ATM: variants seen among roughly 807,000 people sequenced by gnomAD.
ATM encodes the protein ATM serine/threonine kinase.
In ATM, 308 loss-of-function variants were observed where a neutral mutation model predicts 387.0. That is an observed-to-expected ratio of 0.80 (90% CI 0.73 to 0.87). The LOEUF (loss-of-function observed/expected upper bound fraction) is 0.87, where lower values mean the gene tolerates loss of function less well. ATM is among the 40% of genes least tolerant of loss of function. The pLI is 0.00. For missense variants in ATM, 3,312 were observed against 3,560.9 expected, an observed-to-expected ratio of 0.93 and a Z score of 1.78; for synonymous variants, 1,156 against 1,187.3, an observed-to-expected ratio of 0.97 and a Z score of 0.54.
At chr11:108,291,214 C>T (rs979954019) in intron 29 of ATM, among the ~76,000 whole-genome samples, 4 of 151,134 alleles carry the variant, frequency 2.6e-5, no homozygotes, top group African/African-American at 7.3e-5. Flanking sequence ...CCAGCCTGGG[C>T]GACAGAGCAA....
At chr11:108,260,741 A>G (rs1399732124) in intron 16 of ATM, among the ~76,000 whole-genome samples, 1 of 152,126 alleles carries the variant, frequency 6.6e-6, no homozygotes, top group Non-Finnish European at 1.5e-5. Context: ...GGTTCATCTC[A>G]CTAGGGAGTG....
At chr11:108,233,076 T>G (rs887972228) in intron 4 of ATM, among the ~76,000 whole-genome samples, 1 of 151,894 alleles carries the variant, frequency 6.6e-6, no homozygotes, top group African/African-American at 2.4e-5. Context: ...TGGTCAGGCT[T>G]GTCTCGAACT....
At chr11:108,292,438 G>C (rs2135794126) in intron 29 of ATM, among the ~76,000 whole-genome samples, 181 bp from the exon 30 acceptor site, 1 of 152,290 alleles carries the variant, frequency 6.6e-6, no homozygotes, top group South Asian at 2.1e-4. Context: ...GAAGCTTAGA[G>C]CTGCCTATTC....
chr11:108,248,853 A>G (rs997650005), intron 8 of ATM, 80 bp from the exon 9 acceptor site: 1 of 1,274,576 alleles, frequency 7.8e-7, no homozygotes, highest in Non-Finnish European at 1.1e-6. Context: ...GTGCTGTTCC[A>G]CTCCAACCTG....
intron 31 of ATM, among the ~76,000 whole-genome samples, chr11:108,293,894 A>T (rs11212581): frequency 0.38 from 31,571 of 82,702 alleles, 6,404 homozygotes; most frequent in East Asian, 0.7. Context: ...AAAAAAAAAA[A>T]ATATATATAT....
chr11:108,289,153 TAAAA>T, intron 28 of ATM, 50 bp downstream of exon 28: 1 of 1,543,070 alleles, frequency 6.5e-7, no homozygotes, highest in Middle Eastern at 2.2e-4. Flanking sequence ...CTTTTTTAGC[TAAAA>T]AAACTTTGTA....
chr11:108,352,488 A>G (rs2089325108), intron 59 of ATM, among the ~76,000 whole-genome samples: 1 of 152,208 alleles, frequency 6.6e-6, no homozygotes. Flanking sequence ...GAAGAAAATT[A>G]AGAGGAAACC....
At position 108,260,992 on chromosome 11, in the gene ATM, C is replaced by A. The variant is rs559897121; in HGVS notation, c.2466+1917C>A. On this transcript the variant is annotated intron_variant, in intron 16 of 62. Coordinates refer to ENST00000675843, the MANE Select transcript of ATM (RefSeq NM_000051.4). ...CACCTGGCTCGGAGGGTCCTACGCC[C>A]ACGGAGTCTCGCTGATTGCTAGCAC... Among the ~76,000 whole-genome samples the A allele has an allele frequency of 1.1e-3, 160 of 152,290 alleles. 1 individual carries two copies. The South Asian group carries it at 0.033, about 31-fold the overall frequency.
chr11:108,225,329 ACAAT>A (rs2078684063), intron 1 of ATM: 1 of 152,248 alleles, frequency 6.6e-6, no homozygotes, highest in South Asian at 2.1e-4. Context: ...AACTCAAATA[ACAAT>A]CTGTAATCTA....
At chr11:108,226,005 G>A (rs1182956150) in intron 1 of ATM, 9 of 152,006 alleles carry the variant, frequency 5.9e-5, no homozygotes, top group African/African-American at 1.9e-4. Flanking sequence ...TTGAGATATA[G>A]TTATTTGTAG....
intron 61 of ATM, among the ~76,000 whole-genome samples, chr11:108,359,496 T>C (rs562642914): frequency 0.014 from 2,088 of 152,000 alleles, 56 homozygotes; most frequent in African/African-American, 0.047. Context: ...AATATACATT[T>C]TTTTCAGCAC....
chr11:108,235,856 TTG>T (rs1189438980), intron 5 of ATM, 22 bp downstream of exon 5: 1 of 1,613,378 alleles, frequency 6.2e-7, no homozygotes, highest in Admixed American at 1.7e-5. Flanking sequence ...AGGTTGTTGT[TTG>T]TGAATTTTTC....
intron 29 of ATM, among the ~76,000 whole-genome samples, chr11:108,291,679 T>TA (rs1214707213): frequency 2.0e-5 from 3 of 152,220 alleles, no homozygotes; most frequent in African/African-American, 7.2e-5. Flanking sequence ...TAGTGTTTGA[T>TA]AGAGATTTCC....
At chr11:108,333,777 C>T in intron 53 of ATM, 109 bp from the exon 54 acceptor site, 3 of 898,092 alleles carry the variant, frequency 3.3e-6, no homozygotes, top group South Asian at 1.3e-5. Context: ...AGAGCCTGAA[C>T]CACAGATTAG....
intron 43 of ATM, among the ~76,000 whole-genome samples, chr11:108,318,967 G>C (rs2084986459): frequency 6.6e-6 from 1 of 152,044 alleles, no homozygotes. Context: ...CATGAGGTTA[G>C]GAATTCAAGA....
intron 9 of ATM, 144 bp downstream of exon 9, chr11:108,249,246 T>A: frequency 1.1e-6 from 1 of 950,020 alleles, no homozygotes; most frequent in Non-Finnish European, 1.6e-6. Flanking sequence ...AAGGGATATG[T>A]GATTGCCATG....
At position 108,245,016 on chromosome 11, in the gene ATM, C is replaced by T. The variant is rs575285986; in HGVS notation, c.891C>T (p.Thr297=). ...TCCATCATCCGAAAGGAGCCAAAAC[C>T]CAAGAAAAAGGTATAAAGGAAATGT... ...IYIHHPKGAK[T]QEKGAYESTK... is the part of the protein sequence containing the mutation. The change falls in exon 7 of 63, where the codon ACC becomes ACT. Residue 297 remains threonine (T), a synonymous_variant. Transcript: ENST00000675843. The T allele has an allele frequency of 6.2e-7, 1 of 1,606,394 alleles. No homozygotes were observed. The highest frequency in any genetic ancestry group is 1.3e-5 in the African/African-American group (1 of 74,888).
chr11:108,295,236 A>G, intron 32 of ATM, 177 bp downstream of exon 32: 1 of 733,218 alleles, frequency 1.4e-6, no homozygotes, highest in Non-Finnish European at 2.3e-6. Context: ...CTCACCCTGA[A>G]CTCTTCCTGT....
At position 108,359,334 on chromosome 11, in the gene ATM, C is replaced by T. The variant is rs1035620305; in HGVS notation, c.8850+4460C>T. 1.5e-4 allele frequency among the ~76,000 whole-genome samples: 23 copies of T among 152,082 alleles called. 2 individuals are homozygous for T. The highest frequency in any genetic ancestry group is 5.3e-4 in the African/African-American group (22 of 41,452). ...ACCTACAAAGAGACTTAGAATCCCA[C>T]ACATTAATAATGGGAGACTTTAACA... On this transcript the variant is annotated intron_variant, in intron 61 of 62. Coordinates refer to ENST00000675843, the MANE Select transcript of ATM (RefSeq NM_000051.4).
Sources: gnomAD v4.1 joint callset for allele counts (sites outside exome capture counted in the v4.1 genomes callset) on GRCh38, gnomAD v4.1.1 for gene constraint, MANE v1.5 for transcripts, NCBI Gene and HGNC (gene_info 2026-07-23, HGNC 2026-07-21) for gene names.